KRTDAP: variants seen among roughly 807,000 people sequenced by gnomAD.
KRTDAP encodes keratinocyte differentiation associated protein.
A neutral mutation model predicts 18.6 loss-of-function variants in KRTDAP; 14 were observed. That is an observed-to-expected ratio of 0.75 (90% CI 0.50 to 1.18). The LOEUF is 1.18. Ranked by LOEUF, KRTDAP falls within the 50% of genes most tolerant of loss-of-function variation. The pLI is 0.00. For missense variants in KRTDAP, 114 were observed against 121.3 expected, an observed-to-expected ratio of 0.94 and a Z score of 0.28; for synonymous variants, 53 against 49.5, an observed-to-expected ratio of 1.07 and a Z score of -0.29.
intron 1 of KRTDAP, 32 bp downstream of exon 1, chr19:35,490,324 T>A: frequency 7.0e-7 from 1 of 1,429,592 alleles, no homozygotes; most frequent in Non-Finnish European, 9.7e-7. Context: ...GGGTAACACG[T>A]ATAAGAATAA....
At chr19:35,489,696 T>C (rs1377041479) in intron 1 of KRTDAP, among the ~76,000 whole-genome samples, 1 of 152,092 alleles carries the variant, frequency 6.6e-6, no homozygotes, top group Non-Finnish European at 1.5e-5. Context: ...AAATCCGGAA[T>C]AGGCATCAGG....
chr19:35,487,501 C>A, intron 5 of KRTDAP, 35 bp from the exon 6 acceptor site: 1 of 1,587,426 alleles, frequency 6.3e-7, no homozygotes. Context: ...GATGGGGAAC[C>A]CGTGGGTGCC....
intron 3 of KRTDAP, 78 bp downstream of exon 3, chr19:35,488,584 T>G: frequency 6.2e-7 from 1 of 1,608,856 alleles, no homozygotes; most frequent in Non-Finnish European, 8.5e-7. Context: ...GTGGCAGCTT[T>G]GCAAGCTCTC....
chr19:35,488,392 G>C, intron 4 of KRTDAP, 49 bp downstream of exon 4: 1 of 1,592,528 alleles, frequency 6.3e-7, no homozygotes, highest in Non-Finnish European at 8.6e-7. Flanking sequence ...CCACTACCCT[G>C]GGATGACTGC....
intron 1 of KRTDAP, 102 bp downstream of exon 1, chr19:35,490,254 C>T (rs1365132875): frequency 1.4e-6 from 1 of 690,558 alleles, no homozygotes; most frequent in African/African-American, 1.8e-5. Context: ...CCATCAGAAT[C>T]CAAAACTAAG....
In KRTDAP at chr19:35,487,699, CCA is replaced by C. The variant is rs1327576301; in HGVS notation, c.261+11_261+12del. Reference sequence around the variant, plus strand: ...CCCAAGCTCCATACCCTCCTAATGCCCACACCTCTTACCTTAGGAAAGGCATC... The same window carrying C: ...CCCAAGCTCCATACCCTCCTAATGCCCACCTCTTACCTTAGGAAAGGCATC... On this transcript the variant is annotated intron_variant, in intron 5 of 5. Transcript: ENST00000338897. 1.2e-6 allele frequency: 2 copies of C among 1,608,918 alleles called. No homozygotes were observed. The highest frequency in any genetic ancestry group is 2.7e-5 in the African/African-American group (2 of 74,796).
intron 3 of KRTDAP, 29 bp from the exon 4 acceptor site, chr19:35,488,514 G>A: frequency 1.2e-6 from 2 of 1,613,614 alleles, no homozygotes; most frequent in East Asian, 4.5e-5. Flanking sequence ...AGCAGAAGCA[G>A]GTCAGCTCCA....
At chr19:35,488,902 A>T in intron 1 of KRTDAP, 62 bp from the exon 2 acceptor site, 1 of 1,500,892 alleles carries the variant, frequency 6.7e-7, no homozygotes, top group East Asian at 2.3e-5. Flanking sequence ...CCTTGCCCAC[A>T]TCCCTGTCTG....
chr19:35,488,040 A>G (rs533009648), intron 4 of KRTDAP, among the ~76,000 whole-genome samples: 3 of 152,158 alleles, frequency 2.0e-5, no homozygotes, highest in Non-Finnish European at 4.4e-5. Flanking sequence ...GAGGGAGCTG[A>G]AGGCGTTCGC....
chr19:35,488,192 T>C (rs922532598), intron 4 of KRTDAP, among the ~76,000 whole-genome samples: 1 of 152,216 alleles, frequency 6.6e-6, no homozygotes, highest in African/African-American at 2.4e-5. Context: ...CCGATTAGCC[T>C]CTTCCTCTTC....
rs561733298 is a variant in KRTDAP at position 35,490,432 on chromosome 19, G to A, written c.11C>T (p.Pro4Leu). The change falls in exon 1 of 6, where the codon CCG (proline) becomes CTG (leucine). Residue 4 changes from proline (P) to leucine (L), a missense_variant. Pro to Leu is a moderately conservative substitution (Grantham distance 98, BLOSUM62 -3). Transcript: ENST00000338897. MKI[P>L]VLPAVVLLSL... ...GAGGAGCACCACGGCAGGAAGGACCGGGATCTTCATGGCGTCAAGTTTGGG... is the reference window on the plus strand; with the variant it reads ...GAGGAGCACCACGGCAGGAAGGACCAGGATCTTCATGGCGTCAAGTTTGGG... 5.0e-5 allele frequency: 81 copies of A among 1,612,780 alleles called. No individual in the cohort carries two copies. Among genetic ancestry groups the A allele is most frequent in the East Asian group, 1.1e-4 (5 of 44,870 alleles).
chr19:35,490,145 A>G (rs2067514298), intron 1 of KRTDAP, among the ~76,000 whole-genome samples: 1 of 151,936 alleles, frequency 6.6e-6, no homozygotes, highest in Non-Finnish European at 1.5e-5. Flanking sequence ...AACACACTTC[A>G]CCATCCCTTC....
rs1172901598 is a variant in KRTDAP at position 35,488,324 on chromosome 19, A to T, written c.213+117T>A. ...CCATTGGGCAGCATCCAGGCAGGAC[A>T]GTCACTCCCTCCCAGAGATCAGGAA... is the stretch of plus-strand genomic sequence containing the variant. On this transcript the variant is annotated intron_variant, in intron 4 of 5. Transcript: ENST00000338897. The T allele has an allele frequency of 5.8e-6, 6 of 1,036,634 alleles. No individual in the cohort carries two copies. The Admixed American group carries it at 8.2e-5, about 14-fold the overall frequency. 64.2% of individuals were successfully genotyped at this position (1,036,634 alleles called of 1,614,324 possible).
At chr19:35,488,384 A>T in intron 4 of KRTDAP, 57 bp downstream of exon 4, 1 of 1,574,340 alleles carries the variant, frequency 6.4e-7, no homozygotes, top group Non-Finnish European at 8.7e-7. Flanking sequence ...ATGTGTGGCC[A>T]CTACCCTGGG....
chr19:35,490,030 G>A (rs940168344), intron 1 of KRTDAP, among the ~76,000 whole-genome samples: 1 of 148,274 alleles, frequency 6.7e-6, no homozygotes, highest in South Asian at 2.1e-4. Context: ...CCAGGCATGT[G>A]TGCAGCTGGA....
chr19:35,488,468 C>T lies in KRTDAP; in HGVS notation c.186G>A (p.Glu62=), dbSNP rs1394795041. ...CAAAGAGGGCGTGCCAGTTCAGGAA[C>T]TCATCAGCCTTAAACGCCTGAGGAG... is the stretch of plus-strand genomic sequence containing the variant. ...DKLRSAFKAD[E]FLNWHALFES... The change falls in exon 4 of 6, where the codon GAG becomes GAA. Residue 62 remains glutamate (E), a synonymous_variant. Transcript: ENST00000338897. 6.2e-7 allele frequency: 1 copy of T among 1,613,518 alleles called. No homozygotes were observed. Among genetic ancestry groups the T allele is most frequent in the Non-Finnish European group, 8.5e-7 (1 of 1,179,794 alleles).
intron 1 of KRTDAP, among the ~76,000 whole-genome samples, chr19:35,489,332 C>CA (rs1361656121): frequency 6.6e-6 from 1 of 152,208 alleles, no homozygotes. Context: ...GACCCCACCC[C>CA]AGGCCTCAGT....
At chr19:35,488,090 C>T (rs906132166) in intron 4 of KRTDAP, among the ~76,000 whole-genome samples, 2 of 152,202 alleles carry the variant, frequency 1.3e-5, no homozygotes, top group African/African-American at 2.4e-5. Context: ...TCAGGAGACG[C>T]GGGCCCCAGC....
At chr19:35,488,940 T>A (rs941238597) in intron 1 of KRTDAP, 100 bp from the exon 2 acceptor site, 25 of 1,147,800 alleles carry the variant, frequency 2.2e-5, no homozygotes, top group Non-Finnish European at 3.0e-5. Flanking sequence ...CACAGCCCAG[T>A]CCCCGAAAGA....
Sources: allele counts gnomAD v4.1 joint callset (sites outside exome capture counted in the v4.1 genomes callset), GRCh38; gene constraint gnomAD v4.1.1; transcripts MANE v1.5; gene names NCBI Gene and HGNC (gene_info 2026-07-23, HGNC 2026-07-21).